Variants in GABRG3 observed in about 807,000 individuals in gnomAD.
GABRG3 encodes the protein gamma-aminobutyric acid receptor subunit gamma-3.
A neutral mutation model predicts 48.8 loss-of-function variants in GABRG3; 25 were observed. That is an observed-to-expected ratio of 0.51 (90% CI 0.37 to 0.72). The LOEUF (loss-of-function observed/expected upper bound fraction) is 0.72. GABRG3 is among the 30% of genes least tolerant of loss of function. The pLI, the probability that GABRG3 is intolerant of heterozygous loss-of-function variation, is 0.00. For missense variants in GABRG3, 394 were observed against 577.9 expected (o/e 0.68, Z 3.26); for synonymous variants, 227 against 217.6 (o/e 1.04, Z -0.38).
intron 5 of GABRG3, among the ~76,000 whole-genome samples, chr15:27,477,849 G>C (rs981256382): frequency 2.6e-5 from 4 of 152,082 alleles, no homozygotes; most frequent in Admixed American, 2.0e-4. Flanking sequence ...GACCATCCTG[G>C]CTAACATGGT....
chr15:27,122,101 G>A (rs1566940744), intron 3 of GABRG3, among the ~76,000 whole-genome samples: 2 of 152,204 alleles, frequency 1.3e-5, no homozygotes. Flanking sequence ...AACTAAAAGA[G>A]TGTAATTGGA....
chr15:27,032,949 T>C (rs1181203218), intron 3 of GABRG3, among the ~76,000 whole-genome samples: 1 of 152,188 alleles, frequency 6.6e-6, no homozygotes, highest in Non-Finnish European at 1.5e-5. Context: ...AGGTCCCAAC[T>C]GAGGGCCTGG....
intron 3 of GABRG3, among the ~76,000 whole-genome samples, chr15:27,087,909 TGTG>T (rs1277556104): frequency 2.7e-5 from 4 of 147,434 alleles, no homozygotes; most frequent in East Asian, 4.1e-4. Context: ...CATGTGTGAG[TGTG>T]GTGTGCTGTG....
At chr15:27,283,114 C>A (rs1287783803) in intron 3 of GABRG3, among the ~76,000 whole-genome samples, 3 of 152,212 alleles carry the variant, frequency 2.0e-5, no homozygotes, top group Admixed American at 2.0e-4. Flanking sequence ...CCCCAACCCA[C>A]GTCATCCTCT....
chr15:27,087,777 G>A lies in GABRG3; in HGVS notation c.270+60956G>A, dbSNP rs376861073. On this transcript the variant is annotated intron_variant, in intron 3 of 9. Transcript: ENST00000615808. ...GTAGTGTGTGGTGTGTGTATATGTA[G>A]GCACATGTGTGTATGAATGTGATGT... Among the ~76,000 whole-genome samples the A allele has an allele frequency of 4.0e-5, 6 of 149,190 alleles. No homozygotes were observed. In the East Asian group the frequency reaches 1.2e-3, roughly 29 times the overall value.
In GABRG3 at chr15:27,109,774, C is replaced by T. The variant is rs1055453565; in HGVS notation, c.270+82953C>T. Among the ~76,000 whole-genome samples the T allele has an allele frequency of 3.9e-5, 6 of 151,984 alleles. No individual in the cohort carries two copies. In the East Asian group the frequency reaches 9.7e-4, roughly 24 times the overall value. ...GCACGTGTCTGTGGTCCCAGCTACT[C>T]GGGAGGCTGAGGCAGGAAAATCACT... On this transcript the variant is annotated intron_variant, in intron 3 of 9. Coordinates refer to ENST00000615808, the MANE Select transcript of GABRG3 (RefSeq NM_033223.5).
chr15:27,470,107 C>A (rs1354690079), intron 5 of GABRG3, among the ~76,000 whole-genome samples: 2 of 152,212 alleles, frequency 1.3e-5, no homozygotes, highest in Admixed American at 6.5e-5. Flanking sequence ...ACAGGAAAGA[C>A]AGGGAAAATG....
chr15:27,520,616 C>G (rs1469655061), intron 7 of GABRG3, among the ~76,000 whole-genome samples: 1 of 50,998 alleles, frequency 2.0e-5, no homozygotes, highest in Non-Finnish European at 3.5e-5. Flanking sequence ...TCAGTCTTTT[C>G]ATGAATTTTT....
intron 6 of GABRG3, among the ~76,000 whole-genome samples, chr15:27,487,789 T>C (rs1038869773): frequency 3.9e-5 from 6 of 152,202 alleles, no homozygotes; most frequent in Non-Finnish European, 8.8e-5. Context: ...TCTATAAAAG[T>C]ACATTATTGT....
At chr15:27,344,585 C>A (rs1363419724) in intron 5 of GABRG3, among the ~76,000 whole-genome samples, 1 of 152,114 alleles carries the variant, frequency 6.6e-6, no homozygotes, top group Non-Finnish European at 1.5e-5. Flanking sequence ...TTATTTTGAT[C>A]ATTGTATCAA....
At chr15:27,312,646 A>G (rs1566778307) in intron 3 of GABRG3, among the ~76,000 whole-genome samples, 1 of 152,124 alleles carries the variant, frequency 6.6e-6, no homozygotes, top group Non-Finnish European at 1.5e-5. Context: ...TATTCAGAGT[A>G]CTAAAATAAC....
chr15:27,067,491 G>T (rs951264109), intron 3 of GABRG3, among the ~76,000 whole-genome samples: 1 of 152,194 alleles, frequency 6.6e-6, no homozygotes, highest in African/African-American at 2.4e-5. Flanking sequence ...CCCCAGGGTG[G>T]CCGACAACCG....
intron 3 of GABRG3, among the ~76,000 whole-genome samples, chr15:27,264,615 TAA>T (rs35662612): frequency 0.49 from 70,788 of 145,330 alleles, 18,393 homozygotes; most frequent in Non-Finnish European, 0.61. Flanking sequence ...CAAACCAGCT[TAA>T]AAAAAAAAAA....
chr15:27,058,297 C>T (rs1896586510), intron 3 of GABRG3, among the ~76,000 whole-genome samples: 1 of 152,248 alleles, frequency 6.6e-6, no homozygotes, highest in Middle Eastern at 3.2e-3. Flanking sequence ...CAAGAGTCCA[C>T]ACCAGGCTAT....
At chr15:27,248,803 C>CACACACACACAGAGAGAGAGAG in intron 3 of GABRG3, among the ~76,000 whole-genome samples, 1 of 110,240 alleles carries the variant, frequency 9.1e-6, no homozygotes, top group South Asian at 3.4e-4. Context: ...CACACACACA[C>CACACACACACAGAGAGAGAGAG]AGAGAGAGAG....
At chr15:27,521,730 C>G (rs1375568935) in intron 7 of GABRG3, among the ~76,000 whole-genome samples, 1 of 151,788 alleles carries the variant, frequency 6.6e-6, no homozygotes, top group Admixed American at 6.6e-5. Context: ...AATTCACTAA[C>G]TAGACTTAAG....
chr15:27,464,296 T>G (rs1053254310), intron 5 of GABRG3, among the ~76,000 whole-genome samples: 2 of 152,178 alleles, frequency 1.3e-5, no homozygotes, highest in Admixed American at 1.3e-4. Context: ...AGGCAACCAC[T>G]GATCTATTTT....
intron 3 of GABRG3, among the ~76,000 whole-genome samples, chr15:27,058,932 C>T (rs1232883309): frequency 1.3e-5 from 2 of 152,150 alleles, no homozygotes; most frequent in East Asian, 3.9e-4. Flanking sequence ...CATTAATGAA[C>T]CCTATACACA....
At chr15:27,445,711 C>T (rs1045135790) in intron 5 of GABRG3, among the ~76,000 whole-genome samples, 1 of 151,900 alleles carries the variant, frequency 6.6e-6, no homozygotes, top group Non-Finnish European at 1.5e-5. Flanking sequence ...ATATTTATAT[C>T]TTTGGTGTCA....
Sources: gnomAD v4.1 joint callset for allele counts (sites outside exome capture counted in the v4.1 genomes callset) on GRCh38, gnomAD v4.1.1 for gene constraint, MANE v1.5 for transcripts, NCBI Gene and HGNC (gene_info 2026-07-23, HGNC 2026-07-21) for gene names.